The following PDCL3 variants were observed in gnomAD, a reference collection of about 807,000 sequenced individuals.
PDCL3 encodes the protein phosducin like 3, also known as phosducin-like protein 3.
In PDCL3, 22 loss-of-function variants were observed where a neutral mutation model predicts 26.5. The ratio of observed to expected loss-of-function variants is 0.83; its 90% CI spans 0.59 to 1.19. The LOEUF is 1.19. PDCL3 is among the 50% of genes most tolerant of loss of function. PDCL3 has a pLI of 0.00. For synonymous variants in PDCL3, 81 were observed against 104.9 expected, an observed-to-expected ratio of 0.77 and a Z score of 1.39; for missense variants, 246 against 294.1, an observed-to-expected ratio of 0.84 and a Z score of 1.20.
At chr2:100,568,054 A>G (rs2104392610) in intron 2 of PDCL3, among the ~76,000 whole-genome samples, 1 of 152,220 alleles carries the variant, frequency 6.6e-6, no homozygotes, top group South Asian at 2.1e-4. Flanking sequence ...ACCTCTAGTG[A>G]TCCGCCCACC....
At chr2:100,563,915 GTT>G (rs373590264) in intron 1 of PDCL3, among the ~76,000 whole-genome samples, 2 of 140,610 alleles carry the variant, frequency 1.4e-5, no homozygotes, top group African/African-American at 5.3e-5. Context: ...GCCAGACACT[GTT>G]TTTTTTTTTT....
rs774219018 is a variant in PDCL3, at chr2:100,576,520, G to A, written c.*24G>A. ...GAGGCTACAGCTTCTATCACATGCC[G>A]AACTTTCTTGTGACAAATTGTCTGG... On this transcript the variant is annotated 3_prime_UTR_variant, in exon 6 of 6. Transcript: ENST00000264254. 34 of 1,525,480 alleles carry A rather than the reference G, an allele frequency of 2.2e-5. No individual in the cohort carries two copies. The highest frequency in any genetic ancestry group is 1.0e-4 in the South Asian group (8 of 78,212). 94.5% of individuals were successfully genotyped at this position (1,525,480 alleles called of 1,614,324 possible).
chr2:100,571,870 TC>T (rs888289301), intron 5 of PDCL3, 72 bp downstream of exon 5: 1 of 1,448,028 alleles, frequency 6.9e-7, no homozygotes, highest in Non-Finnish European at 9.7e-7. Context: ...AGTGTCTATT[TC>T]CTGGACTCCT....
chr2:100,575,247 A>G (rs535220427), intron 5 of PDCL3, among the ~76,000 whole-genome samples: 1 of 152,020 alleles, frequency 6.6e-6, no homozygotes, highest in African/African-American at 2.4e-5. Flanking sequence ...ACCATTCTCC[A>G]GCCTCAGCCT....
chr2:100,576,531 T>A lies in PDCL3; in HGVS notation c.*35T>A. ...TTCTATCACATGCCGAACTTTCTTG[T>A]GACAAATTGTCTGGATTTTTTAAAA... On this transcript the variant is annotated 3_prime_UTR_variant, in exon 6 of 6. Coordinates refer to ENST00000264254, the MANE Select transcript of PDCL3 (RefSeq NM_024065.5). 6.7e-7 allele frequency: 1 copy of A among 1,503,466 alleles called. No individual in the cohort carries two copies. Among genetic ancestry groups the A allele is most frequent in the East Asian group, 2.5e-5 (1 of 40,464 alleles). 93.1% of individuals were successfully genotyped at this position (1,503,466 alleles called of 1,614,324 possible). A position where few individuals can be genotyped will look rare whatever the true frequency, so the allele number is the denominator to read the frequency against.
rs1238005170 is a variant in PDCL3, at chr2:100,564,638, G to T, written c.6+1565G>T. Reference sequence around the variant, plus strand: ...TATCTCAGAACTGTTACACAGGGTTGGGGTTGGAGACCGATTATCCCGGTG... The same window carrying T: ...TATCTCAGAACTGTTACACAGGGTTTGGGTTGGAGACCGATTATCCCGGTG... On this transcript the variant is annotated intron_variant, in intron 1 of 5. Transcript: ENST00000264254. Among the ~76,000 whole-genome samples the T allele has an allele frequency of 3.9e-5, 6 of 152,120 alleles. No individual in the cohort carries two copies. The East Asian group carries it at 1.2e-3, about 29-fold the overall frequency.
At chr2:100,564,002 C>T (rs1295294580) in intron 1 of PDCL3, among the ~76,000 whole-genome samples, 2 of 150,674 alleles carry the variant, frequency 1.3e-5, no homozygotes, top group Non-Finnish European at 3.0e-5. Context: ...ACCTCGACCT[C>T]CCGGGGCTAA....
Position 100,569,832 on chromosome 2 carries a change from C to T in PDCL3, c.368+111C>T, listed in dbSNP as rs144611523. On this transcript the variant is annotated intron_variant, in intron 4 of 5. Transcript: ENST00000264254. Reference sequence around the variant, plus strand: ...AAGAAATTTTTTTTTCTGGGCCAGGCGCAGTAGCTCACACCTGTAATCCCA... The same window carrying T: ...AAGAAATTTTTTTTTCTGGGCCAGGTGCAGTAGCTCACACCTGTAATCCCA... 0.04 allele frequency: 49,925 copies of T among 1,243,244 alleles called. 1,239 individuals carry two copies. The highest frequency in any genetic ancestry group is 0.048 in the Non-Finnish European group (43,717 of 902,638). 77.0% of individuals were successfully genotyped at this position (1,243,244 alleles called of 1,614,324 possible). A position where few individuals can be genotyped will look rare whatever the true frequency, so the allele number is the denominator to read the frequency against.
intron 5 of PDCL3, among the ~76,000 whole-genome samples, chr2:100,574,614 A>G (rs1675242760): frequency 6.6e-6 from 1 of 152,176 alleles, no homozygotes; most frequent in South Asian, 2.1e-4. Context: ...GAGAATCCTT[A>G]AGATCTACTT....
intron 5 of PDCL3, among the ~76,000 whole-genome samples, chr2:100,573,971 A>C (rs916852730): frequency 2.0e-5 from 3 of 152,112 alleles, no homozygotes; most frequent in East Asian, 3.9e-4. Flanking sequence ...GTATGTGTGG[A>C]TATATAAAGA....
chr2:100,570,066 C>A (rs1477579624), intron 4 of PDCL3, among the ~76,000 whole-genome samples: 1 of 152,008 alleles, frequency 6.6e-6, no homozygotes, highest in South Asian at 2.1e-4. Context: ...GCCGAGATTG[C>A]GCCACTGCAC....
intron 1 of PDCL3, among the ~76,000 whole-genome samples, chr2:100,566,203 C>T (rs917950385): frequency 4.2e-5 from 5 of 118,038 alleles, no homozygotes; most frequent in African/African-American, 1.4e-4. Flanking sequence ...GTGCCCGGCA[C>T]TCTCAGTCAT....
At chr2:100,571,114 C>CAAAAAAAAAA (rs59012685) in intron 4 of PDCL3, among the ~76,000 whole-genome samples, 2 of 109,086 alleles carry the variant, frequency 1.8e-5, no homozygotes, top group African/African-American at 6.8e-5. Flanking sequence ...CCTGTCTTTA[C>CAAAAAAAAAA]AAAAAAAAAA....
At chr2:100,566,707 A>G in intron 2 of PDCL3, 78 bp downstream of exon 2, 2 of 1,580,162 alleles carry the variant, frequency 1.3e-6, no homozygotes, top group Non-Finnish European at 1.7e-6. Flanking sequence ...CTGCCAGGAG[A>G]CAGGTTGGAG....
At chr2:100,567,493 TGA>T (rs1238717852) in intron 2 of PDCL3, among the ~76,000 whole-genome samples, 1 of 152,082 alleles carries the variant, frequency 6.6e-6, no homozygotes, top group African/African-American at 2.4e-5. Flanking sequence ...AGGGCCTCAC[TGA>T]GATGACATTT....
chr2:100,569,990 G>A (rs1465351764), intron 4 of PDCL3, among the ~76,000 whole-genome samples: 1 of 152,050 alleles, frequency 6.6e-6, no homozygotes, highest in Non-Finnish European at 1.5e-5. Context: ...GGCGCCTATA[G>A]TCCCAGCTAC....
chr2:100,570,712 A>T (rs1235743471), intron 4 of PDCL3, among the ~76,000 whole-genome samples: 3 of 151,954 alleles, frequency 2.0e-5, no homozygotes, highest in East Asian at 1.9e-4. Flanking sequence ...TCCTGACCTC[A>T]TGATCCACTC....
At chr2:100,566,380 ATAG>A (rs1675059460) in intron 1 of PDCL3, 120 bp from the exon 2 acceptor site, 1 of 1,262,380 alleles carries the variant, frequency 7.9e-7, no homozygotes, top group African/African-American at 1.5e-5. Flanking sequence ...TTTCTCAGAA[ATAG>A]TTCACAGACT....
intron 1 of PDCL3, among the ~76,000 whole-genome samples, chr2:100,565,409 G>C (rs890626188): frequency 1.3e-5 from 2 of 151,870 alleles, no homozygotes; most frequent in Admixed American, 1.3e-4. Context: ...CGAGTAGCTG[G>C]GACTACAGGC....
Sources: allele counts gnomAD v4.1 joint callset (sites outside exome capture counted in the v4.1 genomes callset), GRCh38; gene constraint gnomAD v4.1.1; transcripts MANE v1.5; gene names NCBI Gene and HGNC (gene_info 2026-07-23, HGNC 2026-07-21).